ASB4: variants seen among roughly 807,000 people sequenced by gnomAD.
ASB4 encodes the protein ankyrin repeat and SOCS box containing 4.
Under a neutral mutation model 38.6 loss-of-function variants are expected in ASB4, and 35 were observed. That is an observed-to-expected ratio of 0.91 (90% CI 0.69 to 1.20). The LOEUF is 1.20. Ranked by LOEUF, ASB4 falls within the 50% of genes most tolerant of loss-of-function variation. The pLI is 0.00. For missense variants in ASB4, 557 were observed against 527.2 expected (o/e 1.06, Z -0.55); for synonymous variants, 195 against 201.3 (o/e 0.97, Z 0.26).
chr7:95,496,327 C>T (rs970463400), intron 2 of ASB4: 1 of 327,746 alleles, frequency 3.1e-6, no homozygotes, highest in African/African-American at 2.1e-5. Flanking sequence ...TCAGGTAATG[C>T]ACTAAGTCAA....
upstream of ASB4, among the ~76,000 whole-genome samples, chr7:95,476,840 A>G (rs1213931430): frequency 6.6e-6 from 1 of 152,194 alleles, no homozygotes; most frequent in Non-Finnish European, 1.5e-5. Flanking sequence ...ATTATTTTGA[A>G]TGTTCTTCTT....
rs759056780 is a variant in ASB4, at chr7:95,515,167, C to CTTTCTT, written c.488-12645_488-12644insTTCTTT. Among the ~76,000 whole-genome samples the CTTTCTT allele has an allele frequency of 5.1e-3, 455 of 89,774 alleles. 4 individuals carry two copies. Among genetic ancestry groups the CTTTCTT allele is most frequent in the South Asian group, 9.3e-3 (23 of 2,484 alleles). 58.9% of individuals were successfully genotyped at this position (89,774 alleles called of 152,430 possible). On this transcript the variant is annotated intron_variant, in intron 2 of 4. Coordinates refer to ENST00000325885, the MANE Select transcript of ASB4 (RefSeq NM_016116.3). Reference sequence around the variant, plus strand: ...TGTTTTTCTTTCTTTCTTTCTCTTTCTCTTTCTTTCTTTCTTTCTTTCTTT... The same window carrying CTTTCTT: ...TGTTTTTCTTTCTTTCTTTCTCTTTCTTTCTTTCTTTCTTTCTTTCTTTCTTTCTTT...
At chr7:95,513,293 ATGTGTGTGTGTGTGTGTGTGTGTGTG>A (rs3046862) in intron 2 of ASB4, among the ~76,000 whole-genome samples, 3 of 89,190 alleles carry the variant, frequency 3.4e-5, no homozygotes, top group African/African-American at 1.4e-4. Flanking sequence ...AGCCAATAGA[ATGTGTGTGTGTGTGTGTGTGTGTGTG>A]TGTGTGTGTG....
chr7:95,483,002 C>T (rs1375847306), upstream of ASB4, among the ~76,000 whole-genome samples: 1 of 152,146 alleles, frequency 6.6e-6, no homozygotes, highest in Non-Finnish European at 1.5e-5. Context: ...TATTCTGGCC[C>T]TAAGAAGATG....
At chr7:95,514,804 CA>C (rs1160146786) in intron 2 of ASB4, among the ~76,000 whole-genome samples, 2 of 152,172 alleles carry the variant, frequency 1.3e-5, no homozygotes, top group Non-Finnish European at 2.9e-5. Context: ...AAGAAACAGA[CA>C]AAAATTGTGA....
rs1366986465 is a variant in ASB4 at position 95,495,993 on chromosome 7, C to T, written c.423C>T (p.His141=). 1 of 1,614,038 alleles carries T rather than the reference C, an allele frequency of 6.2e-7. No individual in the cohort carries two copies. Among genetic ancestry groups the T allele is most frequent in the East Asian group, 2.2e-5 (1 of 44,872 alleles). The change falls in exon 2 of 5, where the codon CAC becomes CAT. Residue 141 remains histidine, a synonymous_variant. Transcript: ENST00000325885. ...AKLNCYSLSG[H]TALHFCTTPS... ...TCAATTGCTACTCCTTAAGTGGACA[C>T]ACAGCTTTGCACTTTTGTACAACTC...
chr7:95,490,217 C>T (rs1275486569), intron 1 of ASB4, among the ~76,000 whole-genome samples: 1 of 152,174 alleles, frequency 6.6e-6, no homozygotes, highest in Non-Finnish European at 1.5e-5. Flanking sequence ...ACTTATATCC[C>T]AATATTGTGA....
In ASB4 at chr7:95,538,155, C is replaced by T. The variant is rs1562824143; in HGVS notation, c.*396C>T. On this transcript the variant is annotated 3_prime_UTR_variant, in exon 5 of 5. Coordinates refer to ENST00000325885, the MANE Select transcript of ASB4 (RefSeq NM_016116.3). ...CATTCTCATTCAAATGGCCATATAG[C>T]AGGCTTTGCAATTGGCCTCTTAAAC... The T allele has an allele frequency of 6.4e-6, 1 of 157,322 alleles. No individual in the cohort carries two copies. The highest frequency in any genetic ancestry group is 1.4e-5 in the Non-Finnish European group (1 of 71,434). 9.7% of individuals were successfully genotyped at this position (157,322 alleles called of 1,614,324 possible).
chr7:95,524,761 A>G (rs1444592269), intron 2 of ASB4, among the ~76,000 whole-genome samples: 1 of 152,158 alleles, frequency 6.6e-6, no homozygotes, highest in Non-Finnish European at 1.5e-5. Context: ...TGGAGACACA[A>G]ATGAGACAGC....
At chr7:95,521,686 T>TAAA (rs35236189) in intron 2 of ASB4, among the ~76,000 whole-genome samples, 2 of 147,650 alleles carry the variant, frequency 1.4e-5, no homozygotes, top group Admixed American at 6.8e-5. Flanking sequence ...CAGTTGAAAT[T>TAAA]AAAAAAAAAA....
At chr7:95,546,502 C>T in the ASB4 span, among the ~76,000 whole-genome samples, 1 of 151,998 alleles carries the variant, frequency 6.6e-6, no homozygotes, top group Non-Finnish European at 1.5e-5. Context: ...TTATGTGGTG[C>T]TTGAATTTGA....
intron 3 of ASB4, among the ~76,000 whole-genome samples, chr7:95,533,163 ACT>A (rs1445913578): frequency 1.3e-5 from 2 of 151,862 alleles, no homozygotes; most frequent in African/African-American, 4.8e-5. Flanking sequence ...CCAGTAATAA[ACT>A]CTGTCTGCCA....
chr7:95,487,718 T>C (rs947562646), intron 1 of ASB4, among the ~76,000 whole-genome samples: 5 of 152,210 alleles, frequency 3.3e-5, no homozygotes, highest in Non-Finnish European at 5.9e-5. Context: ...ATGGTCCTCA[T>C]AGAGCTAAAT....
chr7:95,495,677 T>C (rs1585798072), intron 1 of ASB4, 81 bp from the exon 2 acceptor site: 1 of 1,400,692 alleles, frequency 7.1e-7, no homozygotes, highest in East Asian at 2.3e-5. Context: ...AATAAAATAC[T>C]TGTAAAAATC....
chr7:95,531,635 C>T (rs1026467374), intron 3 of ASB4, among the ~76,000 whole-genome samples: 1 of 152,094 alleles, frequency 6.6e-6, no homozygotes, highest in African/African-American at 2.4e-5. Context: ...TGCTCCTGGG[C>T]CTGCTTTACT....
chr7:95,476,407 T>A (rs988217917), upstream of ASB4, among the ~76,000 whole-genome samples: 3 of 152,040 alleles, frequency 2.0e-5, no homozygotes, highest in African/African-American at 4.8e-5. Flanking sequence ...TAAAAAAAAA[T>A]TTATAGAAAG....
chr7:95,524,922 G>C (rs978405253), intron 2 of ASB4, among the ~76,000 whole-genome samples: 2 of 152,186 alleles, frequency 1.3e-5, no homozygotes, highest in African/African-American at 4.8e-5. Flanking sequence ...TGTAAGATGG[G>C]GGCCTGTTAA....
At chr7:95,548,569 T>C in the ASB4 span, among the ~76,000 whole-genome samples, 1 of 152,234 alleles carries the variant, frequency 6.6e-6, no homozygotes, top group Non-Finnish European at 1.5e-5. Context: ...TAACACATAG[T>C]CAACACCCCA....
At chr7:95,537,244 C>A (rs1790900941) in intron 4 of ASB4, among the ~76,000 whole-genome samples, 1 of 152,146 alleles carries the variant, frequency 6.6e-6, no homozygotes, top group African/African-American at 2.4e-5. Context: ...CCTTCACTTC[C>A]ATTAAATATC....
Sources: gnomAD v4.1 joint callset for allele counts (sites outside exome capture counted in the v4.1 genomes callset) on GRCh38, gnomAD v4.1.1 for gene constraint, MANE v1.5 for transcripts, NCBI Gene and HGNC (gene_info 2026-07-23, HGNC 2026-07-21) for gene names.